TDRD12: variants seen among roughly 807,000 people sequenced by gnomAD.
TDRD12 encodes the protein putative ATP-dependent RNA helicase TDRD12.
Under a neutral mutation model 133.5 loss-of-function variants are expected in TDRD12, and 158 were observed. That is an observed-to-expected ratio of 1.18 (90% CI 1.04 to 1.35). TDRD12 has a LOEUF of 1.35. TDRD12 is among the 40% of genes most tolerant of loss of function. The probability of loss-of-function intolerance (pLI) is 0.00; values close to 1 mark genes in which losing one functional copy is unlikely to be tolerated. For synonymous variants in TDRD12, 460 were observed against 477.9 expected (o/e 0.96, Z 0.49); for missense variants, 1,443 against 1,321.3 (o/e 1.09, Z -1.43).
intron 22 of TDRD12, among the ~76,000 whole-genome samples, chr19:32,809,644 C>T (rs969093972): frequency 6.6e-6 from 1 of 152,212 alleles, no homozygotes; most frequent in Admixed American, 6.5e-5. Flanking sequence ...CTGTCCACTT[C>T]TGGATTGCCT....
chr19:32,788,403 C>T (rs934393285), intron 11 of TDRD12, among the ~76,000 whole-genome samples: 1 of 152,192 alleles, frequency 6.6e-6, no homozygotes, highest in Non-Finnish European at 1.5e-5. Context: ...TGAGCCACCA[C>T]ACCCAGCCTG....
downstream of TDRD12, among the ~76,000 whole-genome samples, chr19:32,825,035 A>G (rs1393223330): frequency 6.6e-6 from 1 of 152,032 alleles, no homozygotes; most frequent in Non-Finnish European, 1.5e-5. This position sits in a 1 kb window ranked among gnomAD's most constrained non-coding sequence, Gnocchi z 4.1. Flanking sequence ...TGTCTTTAGG[A>G]TCAGTCCCAG....
chr19:32,797,673 T>G (rs1971269247), intron 14 of TDRD12, 62 bp from the exon 15 acceptor site: 1 of 585,040 alleles, frequency 1.7e-6, no homozygotes, highest in African/African-American at 1.9e-5. Flanking sequence ...TCTTGATGTT[T>G]CATATGGATG....
chr19:32,738,501 A>G (rs944578446), intron 2 of TDRD12, among the ~76,000 whole-genome samples: 4 of 152,082 alleles, frequency 2.6e-5, no homozygotes, highest in African/African-American at 9.7e-5. Context: ...CTTTGATGAA[A>G]TGTTAACACT....
chr19:32,777,482 A>G (rs1339458245), intron 11 of TDRD12, among the ~76,000 whole-genome samples: 3 of 152,034 alleles, frequency 2.0e-5, no homozygotes, highest in Non-Finnish European at 4.4e-5. Context: ...CTCTTGGTGA[A>G]GTGAACAGTG....
chr19:32,800,117 G>A (rs918188641), intron 16 of TDRD12, 50 bp from the exon 17 acceptor site: 1 of 1,076,930 alleles, frequency 9.3e-7, no homozygotes, highest in Admixed American at 2.6e-5. Flanking sequence ...TGCCACACTA[G>A]TTCTTACTCT....
chr19:32,791,201 T>C (rs1006495689), intron 13 of TDRD12, 133 bp downstream of exon 13: 31 of 1,032,368 alleles, frequency 3.0e-5, no homozygotes, highest in Non-Finnish European at 4.0e-5. Context: ...TATTTGAGAT[T>C]ACAGGCATGA....
At chr19:32,743,523 C>T (rs1338463906) in intron 4 of TDRD12, among the ~76,000 whole-genome samples, 1 of 152,056 alleles carries the variant, frequency 6.6e-6, no homozygotes, top group Non-Finnish European at 1.5e-5. Flanking sequence ...GCTGGGATTC[C>T]AGGCATGAAC....
At chr19:32,720,677 C>G (rs1243908920) in intron 1 of TDRD12, among the ~76,000 whole-genome samples, 3 of 25,602 alleles carry the variant, frequency 1.2e-4, no homozygotes, top group South Asian at 9.3e-4. Context: ...CCCACCGCCC[C>G]CACTCACACC....
intron 11 of TDRD12, among the ~76,000 whole-genome samples, chr19:32,780,542 A>G (rs1040857108): frequency 6.6e-6 from 1 of 152,172 alleles, no homozygotes; most frequent in Non-Finnish European, 1.5e-5. Context: ...GAACACAGTG[A>G]GTGGTGAGAA....
intron 14 of TDRD12, among the ~76,000 whole-genome samples, chr19:32,795,825 G>T (rs1971209879): frequency 6.6e-6 from 1 of 152,282 alleles, no homozygotes; most frequent in Non-Finnish European, 1.5e-5. Context: ...GGGGGAGCAA[G>T]TGTGACACAT....
exon 12 of TDRD12, chr19:32,790,537 G>T: frequency 6.4e-7 from 1 of 1,551,674 alleles, no homozygotes; most frequent in Non-Finnish European, 8.7e-7. Flanking sequence ...ACAGATTACT[G>T]CAGTTTTTAA....
intron 10 of TDRD12, among the ~76,000 whole-genome samples, chr19:32,775,398 A>G (rs1461910648): frequency 6.6e-6 from 1 of 152,162 alleles, no homozygotes; most frequent in East Asian, 1.9e-4. Flanking sequence ...TGGAGCAATC[A>G]TAACTCACTA....
intron 2 of TDRD12, among the ~76,000 whole-genome samples, chr19:32,737,671 A>G (rs773340350): frequency 3.7e-4 from 56 of 152,144 alleles, no homozygotes; most frequent in Non-Finnish European, 6.2e-4. Context: ...GTGAGACTAC[A>G]GGCACGTACC....
chr19:32,794,788 A>C, exon 14 of TDRD12: 1 of 703,358 alleles, frequency 1.4e-6, no homozygotes, highest in Non-Finnish European at 2.6e-6. Flanking sequence ...GGAGCCTGCT[A>C]CAAGTCATTA....
chr19:32,817,086 T>G (rs1301930200), intron 26 of TDRD12, among the ~76,000 whole-genome samples: 1 of 152,180 alleles, frequency 6.6e-6, no homozygotes, highest in East Asian at 1.9e-4. Context: ...CTAAAAAGGC[T>G]CACAGTGATT....
chr19:32,798,900 G>A (rs946638137), intron 16 of TDRD12, among the ~76,000 whole-genome samples: 4 of 152,184 alleles, frequency 2.6e-5, no homozygotes, highest in South Asian at 2.1e-4. Context: ...TGTGCAGGGC[G>A]CAGCAGCGTA....
exon 16 of TDRD12, chr19:32,798,318 T>A: frequency 6.5e-7 from 1 of 1,531,084 alleles, no homozygotes; most frequent in Non-Finnish European, 8.7e-7. Context: ...GTGATGTGAT[T>A]GTTACGACCC....
At position 32,807,690 on chromosome 19, in the gene TDRD12, C is replaced by G. The variant is rs1397993981; in HGVS notation, c.2652+42C>G. On this transcript the variant is annotated intron_variant, in intron 22 of 27. Transcript: ENST00000444215. ...ATGCTTGTGTCCTCTGACGAATGGT[C>G]ATGTTAATAAACGTGTTTTATTTGT... is the stretch of plus-strand genomic sequence containing the variant. 11 of 1,343,440 alleles carry G rather than the reference C, an allele frequency of 8.2e-6. No individual in the cohort carries two copies. The African/African-American group carries it at 1.3e-4, about 16-fold the overall frequency. The allele number at this position is 1,343,440 out of a possible 1,614,324, so 83.2% of individuals were successfully genotyped here. A position where few individuals can be genotyped will look rare whatever the true frequency, so the allele number is the denominator to read the frequency against.
Sources: gnomAD v4.1 joint callset for allele counts (sites outside exome capture counted in the v4.1 genomes callset) on GRCh38, gnomAD v4.1.1 for gene constraint, Gnocchi (gnomAD v3.1) non-coding constraint, MANE v1.5 for transcripts, NCBI Gene and HGNC (gene_info 2026-07-23, HGNC 2026-07-21) for gene names.